UBE2E1: variants seen among roughly 807,000 people sequenced by gnomAD.
UBE2E1 encodes ubiquitin-conjugating enzyme E2 E1.
A neutral mutation model predicts 21.4 loss-of-function variants in UBE2E1; 6 were observed. The ratio of observed to expected loss-of-function variants is 0.28; its 90% CI spans 0.15 to 0.55. The LOEUF (loss-of-function observed/expected upper bound fraction) is 0.55, where lower values mean the gene tolerates loss of function less well. UBE2E1 is among the 20% of genes least tolerant of loss of function. The pLI is 0.93. For missense variants in UBE2E1, 142 were observed against 236.5 expected, an observed-to-expected ratio of 0.60 and a Z score of 2.62; for synonymous variants, 87 against 82.7, an observed-to-expected ratio of 1.05 and a Z score of -0.28.
At chr3:23,850,775 G>C (rs1700305761) in intron 3 of UBE2E1, among the ~76,000 whole-genome samples, 2 of 145,504 alleles carry the variant, frequency 1.4e-5, no homozygotes, top group Admixed American at 1.4e-4. Context: ...TCAGGCTCAA[G>C]CAGTCCTCCC....
intron 5 of UBE2E1, chr3:23,889,673 G>A (rs1701309582): frequency 1.0e-6 from 1 of 985,226 alleles, no homozygotes; most frequent in African/African-American, 1.7e-5. Flanking sequence ...CACTGAGATG[G>A]CACTCAATTT....
intron 3 of UBE2E1, among the ~76,000 whole-genome samples, chr3:23,854,665 C>T (rs1700398826): frequency 6.6e-6 from 1 of 152,204 alleles, no homozygotes; most frequent in South Asian, 2.1e-4. Flanking sequence ...GTTACAAATA[C>T]ATTAGGCTCT....
chr3:23,850,379 G>A (rs1047339105), intron 3 of UBE2E1, among the ~76,000 whole-genome samples: 29 of 151,974 alleles, frequency 1.9e-4, no homozygotes, highest in African/African-American at 7.0e-4. Context: ...CTGTCTGTGG[G>A]TTGTCTTTTT....
chr3:23,861,460 G>A (rs1468969158), intron 3 of UBE2E1, among the ~76,000 whole-genome samples: 1 of 152,162 alleles, frequency 6.6e-6, no homozygotes, highest in Non-Finnish European at 1.5e-5. Context: ...CCCTGGCGAG[G>A]GCTCCACCCC....
chr3:23,810,615 T>G lies in UBE2E1; in HGVS notation c.153-845T>G. On this transcript the variant is annotated intron_variant, in intron 2 of 5. Transcript: ENST00000306627. This position sits in a 1 kb window ranked among gnomAD's most constrained non-coding sequence, Gnocchi z 5.8. Reference sequence around the variant, plus strand: ...CCTGTGCGGCCGCGGGCCGGCCACTTGGGGTCTGTGGTGCCCGAGTGGCGG... The same window carrying G: ...CCTGTGCGGCCGCGGGCCGGCCACTGGGGGTCTGTGGTGCCCGAGTGGCGG... The G allele has an allele frequency of 7.8e-7, 1 of 1,279,968 alleles. No homozygotes were observed. The highest frequency in any genetic ancestry group is 1.0e-6 in the Non-Finnish European group (1 of 952,626). The allele number at this position is 1,279,968 out of a possible 1,614,324, so 79.3% of individuals were successfully genotyped here.
intron 3 of UBE2E1, among the ~76,000 whole-genome samples, chr3:23,825,517 A>C (rs1237890832): frequency 6.6e-6 from 1 of 152,240 alleles, no homozygotes; most frequent in African/African-American, 2.4e-5. Flanking sequence ...ACAATAAAAG[A>C]AACAAATGTA....
chr3:23,889,679 A>C (rs2125333717), intron 5 of UBE2E1: 1 of 985,410 alleles, frequency 1.0e-6, no homozygotes, highest in Middle Eastern at 5.2e-4. Context: ...GATGGCACTC[A>C]ATTTTGAAAA....
At chr3:23,828,691 A>G (rs1263817209) in intron 3 of UBE2E1, among the ~76,000 whole-genome samples, 1 of 152,272 alleles carries the variant, frequency 6.6e-6, no homozygotes, top group Non-Finnish European at 1.5e-5. Context: ...AAAGTGTGAT[A>G]GATGCTTTCA....
chr3:23,830,322 G>T (rs575057107), intron 3 of UBE2E1, among the ~76,000 whole-genome samples: 1 of 152,236 alleles, frequency 6.6e-6, no homozygotes, highest in South Asian at 2.1e-4. Flanking sequence ...AAGGTCAGCA[G>T]CCTTCATCTC....
chr3:23,872,322 A>G (rs1700817311), intron 3 of UBE2E1, among the ~76,000 whole-genome samples: 1 of 150,776 alleles, frequency 6.6e-6, no homozygotes, highest in African/African-American at 2.4e-5. Context: ...AGATGGCAGC[A>G]GTACAGTCCA....
rs72625892 is a variant in UBE2E1, at chr3:23,814,838, C to T, written c.203+3328C>T. On this transcript the variant is annotated intron_variant, in intron 3 of 5. Transcript: ENST00000306627. ...TATTTTGCCTAAGTCCTTTAAACTT[C>T]AGATTTTATTTAATGGATATATTTG... 2.9e-3 allele frequency among the ~76,000 whole-genome samples: 436 copies of T among 152,284 alleles called. 10 individuals carry two copies. The East Asian group carries it at 0.044, about 15-fold the overall frequency.
intron 3 of UBE2E1, among the ~76,000 whole-genome samples, chr3:23,882,596 G>C (rs544878449): frequency 6.6e-6 from 1 of 150,840 alleles, no homozygotes; most frequent in East Asian, 2.1e-4. Flanking sequence ...GTCCCCATCG[G>C]GGAGGCTCAG....
chr3:23,891,606 G>C lies in UBE2E1; in HGVS notation c.*1000G>C, dbSNP rs554950845. ...AGCAAGTACATGAGAAATGGGTTCC[G>C]TCATGGATAAATTGGTACCCTGCCT... On this transcript the variant is annotated 3_prime_UTR_variant, in exon 6 of 6. Coordinates refer to ENST00000306627, the MANE Select transcript of UBE2E1 (RefSeq NM_003341.5). 3 of 152,188 alleles carry C rather than the reference G, an allele frequency of 2.0e-5. No homozygotes were observed. Among genetic ancestry groups the C allele is most frequent in the Non-Finnish European group, 4.4e-5 (3 of 68,036 alleles). 9.4% of individuals were successfully genotyped at this position (152,188 alleles called of 1,614,324 possible).
rs1269346202 is a variant in UBE2E1, at chr3:23,806,585, C to G, written c.-34+497C>G. On this transcript the variant is annotated intron_variant, in intron 1 of 5. Coordinates refer to ENST00000306627, the MANE Select transcript of UBE2E1 (RefSeq NM_003341.5). The surrounding 1 kb of genome is among the most constrained non-coding windows in gnomAD (Gnocchi z 6.5). The stretch of plus-strand genomic sequence containing the variant: ...GCGTGTGCTCCGGACCCCCGCCCGG[C>G]CGCATAGCTGTGAGCAGGGCGGCCA... Among the ~76,000 whole-genome samples, 1 of 151,686 alleles carries G rather than the reference C, an allele frequency of 6.6e-6. No homozygotes were observed. Among genetic ancestry groups the G allele is most frequent in the Non-Finnish European group, 1.5e-5 (1 of 67,784 alleles).
At chr3:23,860,993 A>G (rs1469541331) in intron 3 of UBE2E1, among the ~76,000 whole-genome samples, 1 of 152,240 alleles carries the variant, frequency 6.6e-6, no homozygotes, top group Non-Finnish European at 1.5e-5. Context: ...TGACTGCACC[A>G]AATGCTACAC....
At chr3:23,867,831 C>G (rs1342811329) in intron 3 of UBE2E1, among the ~76,000 whole-genome samples, 2 of 152,172 alleles carry the variant, frequency 1.3e-5, no homozygotes, top group Non-Finnish European at 2.9e-5. Flanking sequence ...TCCATTTAGT[C>G]TGAGTATTTC....
At chr3:23,835,015 GA>G (rs926915207) in intron 3 of UBE2E1, among the ~76,000 whole-genome samples, 15 of 150,984 alleles carry the variant, frequency 9.9e-5, no homozygotes, top group South Asian at 8.4e-4. Context: ...TAAGAGCATA[GA>G]AAAAAAAATA....
At position 23,806,093 on chromosome 3, in the gene UBE2E1, G is replaced by C. The variant is rs1474511009; in HGVS notation, c.-34+5G>C. 1 of 150,484 alleles carries C rather than the reference G, an allele frequency of 6.6e-6. No homozygotes were observed. The highest frequency in any genetic ancestry group is 2.4e-5 in the African/African-American group (1 of 41,090). The allele number at this position is 150,484 out of a possible 1,614,324, so 9.3% of individuals were successfully genotyped here. A position where few individuals can be genotyped will look rare whatever the true frequency, so the allele number is the denominator to read the frequency against. ...AGGAGCCAGACACAAAGAGAGGTAC[G>C]GGGATCCCCCCAGCGGCCCGCCGCC... On this transcript the variant is annotated splice_donor_5th_base_variant and intron_variant, in intron 1 of 5. Transcript: ENST00000306627. This position sits in a 1 kb window ranked among gnomAD's most constrained non-coding sequence, Gnocchi z 6.5.
At chr3:23,817,469 A>G (rs1328788727) in intron 3 of UBE2E1, among the ~76,000 whole-genome samples, 1 of 151,672 alleles carries the variant, frequency 6.6e-6, no homozygotes, top group Non-Finnish European at 1.5e-5. Context: ...GCCTTCAAGG[A>G]GTTCATAATC....
Sources: gnomAD v4.1 joint callset for allele counts (sites outside exome capture counted in the v4.1 genomes callset) on GRCh38, gnomAD v4.1.1 for gene constraint, Gnocchi (gnomAD v3.1) non-coding constraint, MANE v1.5 for transcripts, NCBI Gene and HGNC (gene_info 2026-07-23, HGNC 2026-07-21) for gene names.